SLC24A3: variants seen among roughly 807,000 people sequenced by gnomAD.
SLC24A3 encodes sodium/potassium/calcium exchanger 3.
Under a neutral mutation model 75.8 loss-of-function variants are expected in SLC24A3, and 28 were observed. The ratio of observed to expected loss-of-function variants is 0.37; its 90% CI spans 0.27 to 0.51. SLC24A3 has a LOEUF of 0.51. SLC24A3 is among the 20% of genes least tolerant of loss of function. The pLI is 0.94. For synonymous variants in SLC24A3, 372 were observed against 334.1 expected (o/e 1.11, Z -1.24); for missense variants, 663 against 847.8 (o/e 0.78, Z 2.71).
intron 6 of SLC24A3, among the ~76,000 whole-genome samples, chr20:19,605,697 A>T (rs1242591528): frequency 6.6e-6 from 1 of 152,252 alleles, no homozygotes; most frequent in Admixed American, 6.5e-5. Flanking sequence ...TTCCCCAGAA[A>T]GTCACAACCA....
intron 3 of SLC24A3, among the ~76,000 whole-genome samples, chr20:19,548,051 T>A (rs1237783502): frequency 6.6e-6 from 1 of 152,232 alleles, no homozygotes; most frequent in African/African-American, 2.4e-5. Flanking sequence ...ATTAACATGG[T>A]CTTCTCAGTC....
At chr20:19,671,275 A>G (rs1396183932) in intron 8 of SLC24A3, among the ~76,000 whole-genome samples, 2 of 152,178 alleles carry the variant, frequency 1.3e-5, no homozygotes, top group African/African-American at 4.8e-5. Flanking sequence ...ATGAAAGGCC[A>G]TTGAGGTGGG....
At chr20:19,592,362 T>G (rs568470438) in intron 6 of SLC24A3, among the ~76,000 whole-genome samples, 29 of 152,310 alleles carry the variant, frequency 1.9e-4, no homozygotes, top group African/African-American at 6.7e-4. Flanking sequence ...GACTAAGCAC[T>G]CCTCTGAGTC....
chr20:19,697,584 G>A (rs1568701941), intron 14 of SLC24A3: 2 of 152,266 alleles, frequency 1.3e-5, no homozygotes, highest in African/African-American at 4.8e-5. Flanking sequence ...TTCCCAAACA[G>A]ATTCCCCAGA....
At chr20:19,606,904 C>T (rs1010487427) in intron 6 of SLC24A3, among the ~76,000 whole-genome samples, 3 of 152,178 alleles carry the variant, frequency 2.0e-5, no homozygotes, top group African/African-American at 7.2e-5. Context: ...TATATGTGGA[C>T]AGTGTGCGGC....
chr20:19,232,391 A>G (rs1982048501), intron 1 of SLC24A3, among the ~76,000 whole-genome samples: 1 of 152,252 alleles, frequency 6.6e-6, no homozygotes, highest in South Asian at 2.1e-4. Flanking sequence ...TGACTTTTAA[A>G]TAGAATGTTT....
intron 6 of SLC24A3, among the ~76,000 whole-genome samples, chr20:19,599,026 T>C (rs1414223920): frequency 6.6e-6 from 1 of 152,168 alleles, no homozygotes; most frequent in East Asian, 1.9e-4. Flanking sequence ...GTTGAGTCGA[T>C]GTGAAATTAC....
rs560395137 is a variant in SLC24A3, at chr20:19,309,651, AG to A, written c.271+28565del. Among the ~76,000 whole-genome samples, 1,325 of 152,316 alleles carry A rather than the reference AG, an allele frequency of 8.7e-3. 11 individuals are homozygous for A. Among genetic ancestry groups the A allele is most frequent in the African/African-American group, 0.029 (1,201 of 41,570 alleles). ...CAAGATGTTAACTTTAGTTTGTCAA[AG>A]CTTCAGTTTTCTGGAAGGATGAGGG... On this transcript the variant is annotated intron_variant, in intron 2 of 16. Transcript: ENST00000328041.
intron 8 of SLC24A3, among the ~76,000 whole-genome samples, chr20:19,666,125 T>A (rs2032396338): frequency 6.6e-6 from 1 of 152,172 alleles, no homozygotes; most frequent in Non-Finnish European, 1.5e-5. Flanking sequence ...TCCTAATATC[T>A]AAATGTCTTT....
chr20:19,275,123 G>T (rs1454092870), intron 1 of SLC24A3, among the ~76,000 whole-genome samples: 1 of 152,204 alleles, frequency 6.6e-6, no homozygotes, highest in Non-Finnish European at 1.5e-5. Flanking sequence ...AAGAAAAGCA[G>T]TATTCCAGTT....
At chr20:19,587,518 C>T (rs1213608778) in intron 6 of SLC24A3, among the ~76,000 whole-genome samples, 1 of 152,186 alleles carries the variant, frequency 6.6e-6, no homozygotes. Context: ...ACAGTCCACG[C>T]GATGACTCTG....
At chr20:19,328,386 A>G (rs1037824315) in intron 2 of SLC24A3, among the ~76,000 whole-genome samples, 10 of 152,184 alleles carry the variant, frequency 6.6e-5, no homozygotes, top group Non-Finnish European at 1.3e-4. Flanking sequence ...TGTTGGATTG[A>G]TAATAAAATG....
chr20:19,264,572 A>T (rs982747464), intron 1 of SLC24A3, among the ~76,000 whole-genome samples: 1 of 151,952 alleles, frequency 6.6e-6, no homozygotes, highest in Non-Finnish European at 1.5e-5. Flanking sequence ...TAAAATAAAA[A>T]AAAAAAATTA....
intron 2 of SLC24A3, among the ~76,000 whole-genome samples, chr20:19,391,376 G>GGAA (rs1986362513): frequency 6.6e-6 from 1 of 152,140 alleles, no homozygotes; most frequent in Non-Finnish European, 1.5e-5. Context: ...GTGTTACTGA[G>GGAA]GAATGTAGAG....
At chr20:19,580,642 AC>A (rs1048548416) in intron 4 of SLC24A3, among the ~76,000 whole-genome samples, 2 of 152,030 alleles carry the variant, frequency 1.3e-5, no homozygotes, top group African/African-American at 2.4e-5. Flanking sequence ...AGCAAGTTAA[AC>A]CCCTTTCATC....
At chr20:19,468,073 G>C (rs1394644833) in intron 2 of SLC24A3, among the ~76,000 whole-genome samples, 2 of 152,120 alleles carry the variant, frequency 1.3e-5, no homozygotes, top group East Asian at 3.9e-4. Flanking sequence ...GAGCAGACAA[G>C]AGCAGTCTTA....
intron 7 of SLC24A3, among the ~76,000 whole-genome samples, chr20:19,662,108 A>C (rs2032333223): frequency 6.6e-6 from 1 of 152,182 alleles, no homozygotes; most frequent in Admixed American, 6.5e-5. Context: ...GATGAACCAC[A>C]TGTGGGTCAG....
intron 3 of SLC24A3, among the ~76,000 whole-genome samples, chr20:19,571,037 G>T (rs960668331): frequency 1.8e-4 from 28 of 151,940 alleles, no homozygotes; most frequent in African/African-American, 6.8e-4. Context: ...CCTCTTCCTG[G>T]AATGCTGTGT....
At chr20:19,460,396 G>A (rs757681633) in intron 2 of SLC24A3, among the ~76,000 whole-genome samples, 7 of 152,182 alleles carry the variant, frequency 4.6e-5, no homozygotes, top group Admixed American at 6.5e-5. Flanking sequence ...ACAGAGACCC[G>A]GGCTCATGTA....
Sources: gnomAD v4.1 joint callset for allele counts (sites outside exome capture counted in the v4.1 genomes callset) on GRCh38, gnomAD v4.1.1 for gene constraint, MANE v1.5 for transcripts, NCBI Gene and HGNC (gene_info 2026-07-23, HGNC 2026-07-21) for gene names.